The following UBAP1 variants were observed in gnomAD, a reference collection of about 807,000 sequenced individuals.
UBAP1 encodes the protein ubiquitin-associated protein 1.
A neutral mutation model predicts 39.0 loss-of-function variants in UBAP1; 5 were observed. The ratio of observed to expected loss-of-function variants is 0.13; its 90% confidence interval spans 0.07 to 0.27. The LOEUF (loss-of-function observed/expected upper bound fraction) is 0.27, where lower values mean the gene tolerates loss of function less well. UBAP1 is among the 10% of genes least tolerant of loss of function. UBAP1 has a pLI of 1.00. For missense variants in UBAP1, 490 were observed against 608.1 expected (o/e 0.81, Z 2.04); for synonymous variants, 211 against 225.1 (o/e 0.94, Z 0.56).
At chr9:34,204,002 T>C (rs1397684252) in intron 1 of UBAP1, among the ~76,000 whole-genome samples, 2 of 152,226 alleles carry the variant, frequency 1.3e-5, no homozygotes, top group Admixed American at 6.5e-5. Context: ...TAATAGCTTC[T>C]AGTATGATAA....
chr9:34,249,814 C>A lies in UBAP1; in HGVS notation c.1119C>A (p.Pro373=). The change falls in exon 5 of 7, where the codon CCC becomes CCA. Residue 373 remains proline (P), a synonymous_variant. Transcript: ENST00000297661. ...TPPNFSVSQV[P]NMPSCPQAYS... Reference sequence around the variant, plus strand: ...CTAATTTCTCAGTGTCACAAGTGCCCAACATGCCCAGCTGTCCCCAGGCCT... The same window carrying A: ...CTAATTTCTCAGTGTCACAAGTGCCAAACATGCCCAGCTGTCCCCAGGCCT... 1.9e-6 allele frequency: 3 copies of A among 1,614,180 alleles called. No individual in the cohort carries two copies. Among genetic ancestry groups the A allele is most frequent in the Non-Finnish European group, 2.5e-6 (3 of 1,180,032 alleles).
intron 1 of UBAP1, among the ~76,000 whole-genome samples, chr9:34,213,825 TC>T (rs1832148619): frequency 6.6e-6 from 1 of 152,038 alleles, no homozygotes; most frequent in Non-Finnish European, 1.5e-5. Context: ...CAGCAAAGTT[TC>T]TGGATACAAG....
At chr9:34,230,254 CG>C (rs1471692369) in intron 2 of UBAP1, among the ~76,000 whole-genome samples, 7 of 150,630 alleles carry the variant, frequency 4.6e-5, no homozygotes, top group Admixed American at 4.0e-4. Context: ...TTAGTAGAGA[CG>C]GGGTTTCACC....
chr9:34,250,048 T>C, intron 5 of UBAP1, 87 bp downstream of exon 5: 1 of 1,404,968 alleles, frequency 7.1e-7, no homozygotes, highest in Non-Finnish European at 9.8e-7. Flanking sequence ...CTCAGACTTG[T>C]AGCACCAACC....
intron 1 of UBAP1, among the ~76,000 whole-genome samples, chr9:34,202,633 G>C (rs1417244775): frequency 2.4e-4 from 27 of 114,252 alleles, no homozygotes; most frequent in African/African-American, 3.0e-4. Flanking sequence ...ACGTGTGTGT[G>C]TGTGTGTGTG....
intron 1 of UBAP1, among the ~76,000 whole-genome samples, chr9:34,194,290 A>G (rs1160595072): frequency 1.3e-5 from 2 of 152,050 alleles, no homozygotes; most frequent in African/African-American, 4.8e-5. Flanking sequence ...GTTAGAATAC[A>G]GAGATGTATA....
chr9:34,214,902 A>G (rs1425391447), intron 1 of UBAP1, among the ~76,000 whole-genome samples: 1 of 152,186 alleles, frequency 6.6e-6, no homozygotes, highest in East Asian at 1.9e-4. Flanking sequence ...TGATCAGGGA[A>G]GTGCACATCA....
rs555695763 is a variant in UBAP1, at chr9:34,240,252, G to T, written c.160-933G>T. Reference sequence around the variant, plus strand: ...AGGATGTAAAGTAACTTCTTGTCATGTGCCTTTCTAGGCTTCTCTTTTGTT... The same window carrying T: ...AGGATGTAAAGTAACTTCTTGTCATTTGCCTTTCTAGGCTTCTCTTTTGTT... On this transcript the variant is annotated intron_variant, in intron 3 of 6. Coordinates refer to ENST00000297661, the MANE Select transcript of UBAP1 (RefSeq NM_016525.5). Among the ~76,000 whole-genome samples, 5 of 152,274 alleles carry T rather than the reference G, an allele frequency of 3.3e-5. No individual in the cohort carries two copies. The East Asian group carries it at 9.6e-4, about 29-fold the overall frequency.
intron 1 of UBAP1, among the ~76,000 whole-genome samples, chr9:34,212,551 G>A (rs1463213308): frequency 6.6e-6 from 1 of 151,888 alleles, no homozygotes; most frequent in Non-Finnish European, 1.5e-5. Context: ...TTATCTTCTG[G>A]ATTTTCCATT....
At chr9:34,226,123 G>GTGTGTGTGTGTGTT (rs1554650806) in intron 2 of UBAP1, among the ~76,000 whole-genome samples, 28 of 104,666 alleles carry the variant, frequency 2.7e-4, no homozygotes, top group African/African-American at 6.7e-4. Flanking sequence ...GTGTGTGTGT[G>GTGTGTGTGTGTGTT]TGTGTGTGTG....
At chr9:34,213,305 G>GT (rs1441106455) in intron 1 of UBAP1, among the ~76,000 whole-genome samples, 2 of 152,112 alleles carry the variant, frequency 1.3e-5, no homozygotes, top group Non-Finnish European at 2.9e-5. Context: ...GAGGTCAGGA[G>GT]TTTGAGACCA....
At chr9:34,237,235 C>G (rs34328005) in intron 3 of UBAP1, among the ~76,000 whole-genome samples, 106,399 of 151,792 alleles carry the variant, frequency 0.7, 39,319 homozygotes, top group East Asian at 0.95. Flanking sequence ...CTGGGCACTG[C>G]AGGTAGAGAT....
intron 1 of UBAP1, among the ~76,000 whole-genome samples, chr9:34,188,367 G>C (rs1371773967): frequency 1.3e-5 from 2 of 149,522 alleles, no homozygotes; most frequent in Admixed American, 6.6e-5. Context: ...GATTTGATGG[G>C]TAAATAGAAG....
rs749845165 is a variant in UBAP1, at chr9:34,179,090, G to A, written c.-158G>A. On this transcript the variant is annotated 5_prime_UTR_variant, in exon 1 of 7. Coordinates refer to ENST00000297661, the MANE Select transcript of UBAP1 (RefSeq NM_016525.5). ...CGGCTGCGGCACTGGCGGTGGCTAC[G>A]GTGACGGCCTGGCCCGGAGCGGGCA... 7.8e-7 allele frequency: 1 copy of A among 1,278,060 alleles called. No homozygotes were observed. Among genetic ancestry groups the A allele is most frequent in the Non-Finnish European group, 9.9e-7 (1 of 1,010,148 alleles). 79.2% of individuals were successfully genotyped at this position (1,278,060 alleles called of 1,614,324 possible).
At chr9:34,216,287 C>G (rs1832312664) in intron 1 of UBAP1, among the ~76,000 whole-genome samples, 1 of 151,744 alleles carries the variant, frequency 6.6e-6, no homozygotes, top group East Asian at 1.9e-4. Flanking sequence ...GCATTTAGTA[C>G]TCTCATAGTG....
At chr9:34,243,911 G>A (rs1265654865) in intron 4 of UBAP1, among the ~76,000 whole-genome samples, 3 of 152,110 alleles carry the variant, frequency 2.0e-5, no homozygotes, top group Non-Finnish European at 4.4e-5. Context: ...GTGCAGTGGC[G>A]TGATTTTGGC....
intron 4 of UBAP1, among the ~76,000 whole-genome samples, chr9:34,246,336 G>A (rs1834177363): frequency 6.6e-6 from 1 of 152,226 alleles, no homozygotes; most frequent in Non-Finnish European, 1.5e-5. Context: ...AAAGTGCTGG[G>A]ATTATAGGCA....
At chr9:34,244,271 C>T (rs1448703544) in intron 4 of UBAP1, among the ~76,000 whole-genome samples, 5 of 151,500 alleles carry the variant, frequency 3.3e-5, no homozygotes, top group Non-Finnish European at 7.4e-5. Context: ...TTTTAGATCA[C>T]ACACATAAGT....
intron 6 of UBAP1, 61 bp from the exon 7 acceptor site, chr9:34,251,328 CCTT>C (rs1834517525): frequency 1.3e-6 from 2 of 1,559,116 alleles, no homozygotes; most frequent in Non-Finnish European, 1.8e-6. Context: ...CACACACACT[CCTT>C]CACTCAGCTG....
Sources: gnomAD v4.1 joint callset for allele counts (sites outside exome capture counted in the v4.1 genomes callset) on GRCh38, gnomAD v4.1.1 for gene constraint, MANE v1.5 for transcripts, NCBI Gene and HGNC (gene_info 2026-07-23, HGNC 2026-07-21) for gene names.